Variants in TENM3 observed in about 807,000 individuals in gnomAD.
TENM3 encodes the protein teneurin transmembrane protein 3, also known as teneurin-3.
In TENM3, 63 loss-of-function variants were observed where a neutral mutation model predicts 255.1. The ratio of observed to expected loss-of-function variants is 0.25; its 90% CI spans 0.20 to 0.30. The LOEUF (loss-of-function observed/expected upper bound fraction) is 0.30. Ranked by LOEUF, TENM3 falls within the 10% of genes least tolerant of loss-of-function variation. TENM3 has a pLI of 1.00. For synonymous variants in TENM3, 1,306 were observed against 1,322.3 expected (o/e 0.99, Z 0.27); for missense variants, 2,929 against 3,461.1 (o/e 0.85, Z 3.86).
chr4:181,826,785 G>T, the TENM3 span, among the ~76,000 whole-genome samples: 1 of 152,164 alleles, frequency 6.6e-6, no homozygotes, highest in South Asian at 2.1e-4. Flanking sequence ...GTGAGATCCC[G>T]GCAAAGGTAT....
chr4:182,386,872 C>T (rs1580373849), intron 3 of TENM3, among the ~76,000 whole-genome samples: 1 of 152,246 alleles, frequency 6.6e-6, no homozygotes, highest in East Asian at 1.9e-4. Context: ...GCCTCCCCGA[C>T]GAATGCCGCC....
chr4:181,688,381 C>T, the TENM3 span, among the ~76,000 whole-genome samples: 1 of 151,980 alleles, frequency 6.6e-6, no homozygotes, highest in Non-Finnish European at 1.5e-5. Context: ...GCAATAGTAA[C>T]TAGGGAAAAA....
At chr4:182,472,237 A>G (rs181242378) in intron 3 of TENM3, among the ~76,000 whole-genome samples, 50 of 150,902 alleles carry the variant, frequency 3.3e-4, no homozygotes, top group African/African-American at 1.2e-3. Flanking sequence ...TCTGTCTTAC[A>G]TATTTTTTGA....
At chr4:181,923,461 A>C in the TENM3 span, among the ~76,000 whole-genome samples, 1 of 152,152 alleles carries the variant, frequency 6.6e-6, no homozygotes, top group Non-Finnish European at 1.5e-5. Context: ...CTGCAAAACT[A>C]ATTAAAATCT....
the TENM3 span, among the ~76,000 whole-genome samples, chr4:181,687,734 AC>A: frequency 6.6e-6 from 1 of 152,120 alleles, no homozygotes; most frequent in South Asian, 2.1e-4. Context: ...CAGAGGTGAG[AC>A]TTACTTCTAC....
intron 1 of TENM3, among the ~76,000 whole-genome samples, chr4:182,168,813 CAGTT>C (rs34150833): frequency 0.2 from 30,570 of 151,926 alleles, 3,335 homozygotes; most frequent in South Asian, 0.27. Flanking sequence ...TGCTGCTCAA[CAGTT>C]AGCCCATTTT....
At chr4:182,147,934 C>T (rs78981701) in intron 1 of TENM3, among the ~76,000 whole-genome samples, 3,135 of 152,076 alleles carry the variant, frequency 0.021, 95 homozygotes, top group African/African-American at 0.07. Context: ...AATTATTTTA[C>T]GTAAGCTTCT....
At chr4:182,719,473 A>T (rs373110738) in intron 13 of TENM3, among the ~76,000 whole-genome samples, 3 of 151,580 alleles carry the variant, frequency 2.0e-5, no homozygotes, top group Non-Finnish European at 2.9e-5. Context: ...GTTGGCCAGG[A>T]TGGTCTCGAA....
chr4:181,683,330 A>G, the TENM3 span, among the ~76,000 whole-genome samples: 1 of 152,148 alleles, frequency 6.6e-6, no homozygotes, highest in Non-Finnish European at 1.5e-5. Flanking sequence ...GGTGCAAGTC[A>G]AGCATTCTGA....
chr4:182,327,506 T>G (rs1314160297), intron 2 of TENM3, among the ~76,000 whole-genome samples: 2 of 116,972 alleles, frequency 1.7e-5, no homozygotes, highest in Non-Finnish European at 4.1e-5. Context: ...TGTCTAATTA[T>G]CAAACTTGAA....
chr4:182,729,259 CTGTG>C, intron 14 of TENM3, 78 bp downstream of exon 14: 1 of 1,242,420 alleles, frequency 8.0e-7, no homozygotes, highest in East Asian at 2.3e-5. Flanking sequence ...ATACTCATGA[CTGTG>C]AACCTGAGGA....
At chr4:182,194,880 C>G (rs921226801) in intron 1 of TENM3, among the ~76,000 whole-genome samples, 2 of 152,144 alleles carry the variant, frequency 1.3e-5, no homozygotes, top group Non-Finnish European at 2.9e-5. Flanking sequence ...AAAGGTTAGA[C>G]TGGCTATGCA....
the TENM3 span, among the ~76,000 whole-genome samples, chr4:181,621,157 C>T: frequency 6.6e-6 from 1 of 152,144 alleles, no homozygotes; most frequent in Non-Finnish European, 1.5e-5. Flanking sequence ...TATGATTGAA[C>T]TGGAATGTGG....
At chr4:182,521,729 G>A (rs1738594754) in intron 3 of TENM3, among the ~76,000 whole-genome samples, 1 of 152,032 alleles carries the variant, frequency 6.6e-6, no homozygotes, top group Admixed American at 6.6e-5. Flanking sequence ...CCTGAATGTT[G>A]CTGCCTCAGT....
At chr4:182,769,613 C>G (rs1024917024) in intron 22 of TENM3, among the ~76,000 whole-genome samples, 3 of 150,514 alleles carry the variant, frequency 2.0e-5, no homozygotes, top group Admixed American at 6.6e-5. Flanking sequence ...GAAACCCCGT[C>G]TCTACTAAAA....
chr4:182,571,378 T>G (rs1461106581), intron 3 of TENM3, among the ~76,000 whole-genome samples: 1 of 151,928 alleles, frequency 6.6e-6, no homozygotes, highest in Non-Finnish European at 1.5e-5. Context: ...AAACAAAAAT[T>G]AGCTGGGCAT....
chr4:181,912,542 C>T, the TENM3 span, among the ~76,000 whole-genome samples: 1 of 152,082 alleles, frequency 6.6e-6, no homozygotes, highest in African/African-American at 2.4e-5. Context: ...AATCCCAACA[C>T]TTTGAGAGGC....
the TENM3 span, among the ~76,000 whole-genome samples, chr4:181,671,945 G>C: frequency 6.6e-6 from 1 of 152,054 alleles, no homozygotes; most frequent in Non-Finnish European, 1.5e-5. Flanking sequence ...ACTAGGAATA[G>C]GATTATTCCC....
chr4:182,346,230 G>C (rs867820919), intron 2 of TENM3, among the ~76,000 whole-genome samples: 5 of 152,132 alleles, frequency 3.3e-5, no homozygotes, highest in African/African-American at 1.2e-4. Context: ...TCTTCCAAAG[G>C]AGTGACATCT....
Sources: allele counts gnomAD v4.1 joint callset (sites outside exome capture counted in the v4.1 genomes callset), GRCh38; gene constraint gnomAD v4.1.1; transcripts MANE v1.5; gene names NCBI Gene and HGNC (gene_info 2026-07-23, HGNC 2026-07-21).